The following ATXN1 variants were observed in gnomAD, a reference collection of about 807,000 sequenced individuals.
The protein encoded by ATXN1 is ataxin-1.
ATXN1 carries 8 observed loss-of-function variants against 56.4 expected under a neutral mutation model. The observed-to-expected ratio is 0.14, with a 90% confidence interval of 0.08 to 0.26. ATXN1 has a LOEUF of 0.26. ATXN1 is among the 10% of genes least tolerant of loss of function. The pLI is 1.00. For synonymous variants in ATXN1, 514 were observed against 494.6 expected (o/e 1.04, Z -0.52); for missense variants, 987 against 1,106.5 (o/e 0.89, Z 1.53).
intron 2 of ATXN1, among the ~76,000 whole-genome samples, chr6:16,703,630 T>C (rs1216607320): frequency 6.6e-6 from 1 of 152,204 alleles, no homozygotes; most frequent in Non-Finnish European, 1.5e-5. Context: ...TGGGGGTAAA[T>C]GTTTCCTTTC....
chr6:16,412,650 A>C (rs929541270), intron 6 of ATXN1, among the ~76,000 whole-genome samples: 2 of 152,212 alleles, frequency 1.3e-5, no homozygotes, highest in African/African-American at 4.8e-5. Flanking sequence ...GGAGCTAATT[A>C]AATCTCCTAG....
intron 4 of ATXN1, among the ~76,000 whole-genome samples, chr6:16,524,654 G>C (rs1761356867): frequency 6.6e-6 from 1 of 152,212 alleles, no homozygotes; most frequent in Non-Finnish European, 1.5e-5. Flanking sequence ...ACACAGAAGA[G>C]ACTGAATAAA....
At chr6:16,343,528 C>G (rs73364711) in intron 6 of ATXN1, among the ~76,000 whole-genome samples, 5,883 of 152,146 alleles carry the variant, frequency 0.039, 373 homozygotes, top group African/African-American at 0.13. Context: ...GCCCTTAAAG[C>G]TGTATGCCCT....
intron 5 of ATXN1, among the ~76,000 whole-genome samples, chr6:16,490,884 C>T (rs1760645487): frequency 6.6e-6 from 1 of 152,116 alleles, no homozygotes; most frequent in Non-Finnish European, 1.5e-5. Flanking sequence ...CTACCTGGAA[C>T]TAAGAGGAGC....
At chr6:16,624,699 TA>T (rs754750114) in intron 3 of ATXN1, among the ~76,000 whole-genome samples, 3 of 152,168 alleles carry the variant, frequency 2.0e-5, no homozygotes, top group Non-Finnish European at 2.9e-5. Context: ...GGTGAGAATA[TA>T]AAAAATTGTG....
intron 6 of ATXN1, among the ~76,000 whole-genome samples, chr6:16,341,383 A>AG (rs1761243797): frequency 6.6e-6 from 1 of 151,818 alleles, no homozygotes; most frequent in East Asian, 1.9e-4. Flanking sequence ...GCTTTTAAAA[A>AG]CATAATGTCC....
chr6:16,358,844 G>A (rs1761747669), intron 6 of ATXN1, among the ~76,000 whole-genome samples: 1 of 152,186 alleles, frequency 6.6e-6, no homozygotes, highest in Admixed American at 6.5e-5. Flanking sequence ...GCCTTCCCAG[G>A]TGCAGCTGCA....
chr6:16,584,243 TACACACACACACACACACAC>T (rs368108414), intron 4 of ATXN1, among the ~76,000 whole-genome samples: 2 of 118,494 alleles, frequency 1.7e-5, no homozygotes, highest in Non-Finnish European at 3.4e-5. Context: ...TATATATATA[TACACACACACACACACACAC>T]ACACACACAT....
At position 16,323,884 on chromosome 6, in the gene ATXN1, G is replaced by A. The variant is rs544148952; in HGVS notation, c.1917+2510C>T. On this transcript the variant is annotated intron_variant, in intron 7 of 7. Coordinates refer to ENST00000436367, the MANE Select transcript of ATXN1 (RefSeq NM_001128164.2). ...CAGGAAGTGAACAGCCACTACAGAGGGGTAGTGAGCTGTATTATTATGCCA... is the reference window on the plus strand; with the variant it reads ...CAGGAAGTGAACAGCCACTACAGAGAGGTAGTGAGCTGTATTATTATGCCA... Among the ~76,000 whole-genome samples, 6 of 152,162 alleles carry A rather than the reference G, an allele frequency of 3.9e-5. No individual in the cohort carries two copies. The East Asian group carries it at 5.8e-4, about 15-fold the overall frequency.
At position 16,395,840 on chromosome 6, in the gene ATXN1, A is replaced by AC. The variant is rs200949436; in HGVS notation, c.-160-67371dup. ...AGACCATCCTGGCCAACATGGTGAAACCCATCTCTACTAAAAATACAAAAA... is the reference window on the plus strand; with the variant it reads ...AGACCATCCTGGCCAACATGGTGAAACCCCATCTCTACTAAAAATACAAAAA... On this transcript the variant is annotated intron_variant, in intron 6 of 7. Coordinates refer to ENST00000436367, the MANE Select transcript of ATXN1 (RefSeq NM_001128164.2). 7.8e-3 allele frequency among the ~76,000 whole-genome samples: 1,191 copies of AC among 151,880 alleles called. 26 individuals are homozygous for AC. In the East Asian group the frequency reaches 0.082, roughly 10 times the overall value.
At chr6:16,383,697 C>G (rs916732574) in intron 6 of ATXN1, among the ~76,000 whole-genome samples, 2 of 152,194 alleles carry the variant, frequency 1.3e-5, no homozygotes, top group African/African-American at 4.8e-5. Context: ...AAGACAGCAT[C>G]TTTTCTGCCC....
chr6:16,641,573 C>G (rs1264095606), intron 3 of ATXN1, among the ~76,000 whole-genome samples: 2 of 152,190 alleles, frequency 1.3e-5, no homozygotes, highest in Non-Finnish European at 2.9e-5. Context: ...AGATTCCTTT[C>G]AAAATATTAC....
intron 1 of ATXN1, among the ~76,000 whole-genome samples, chr6:16,758,264 T>C (rs887941783): frequency 5.3e-5 from 8 of 152,226 alleles, no homozygotes; most frequent in African/African-American, 1.9e-4. Flanking sequence ...AGGTTCCAAA[T>C]GATGAACGCT....
At chr6:16,590,026 CA>C (rs371672589) in intron 3 of ATXN1, among the ~76,000 whole-genome samples, 8 of 152,082 alleles carry the variant, frequency 5.3e-5, no homozygotes, top group African/African-American at 1.7e-4. Context: ...TATCGCCATT[CA>C]AGTGCTGTAA....
chr6:16,693,117 G>A (rs1393080585), intron 2 of ATXN1, among the ~76,000 whole-genome samples: 1 of 152,184 alleles, frequency 6.6e-6, no homozygotes, highest in Non-Finnish European at 1.5e-5. Context: ...AGTACCAGAA[G>A]AACTGATATC....
intron 6 of ATXN1, among the ~76,000 whole-genome samples, chr6:16,412,914 T>A (rs1758827890): frequency 6.6e-6 from 1 of 152,172 alleles, no homozygotes; most frequent in African/African-American, 2.4e-5. Flanking sequence ...GGCTGTTGTC[T>A]CTCTTGGGAG....
intron 6 of ATXN1, among the ~76,000 whole-genome samples, chr6:16,395,037 A>C (rs1758423480): frequency 6.6e-6 from 1 of 152,140 alleles, no homozygotes; most frequent in African/African-American, 2.4e-5. Flanking sequence ...AAAACTCCTG[A>C]GGCGAGGCGG....
chr6:16,317,989 C>T (rs987753221), intron 7 of ATXN1, among the ~76,000 whole-genome samples: 2 of 152,198 alleles, frequency 1.3e-5, no homozygotes, highest in African/African-American at 4.8e-5. Context: ...ATTTTAGCTC[C>T]TCTGTATGAA....
intron 2 of ATXN1, among the ~76,000 whole-genome samples, chr6:16,704,497 TA>T (rs1759364128): frequency 6.6e-6 from 1 of 152,174 alleles, no homozygotes; most frequent in African/African-American, 2.4e-5. Context: ...TTTTAAAGTA[TA>T]AAAAACAGAT....
Sources: allele counts gnomAD v4.1 joint callset (sites outside exome capture counted in the v4.1 genomes callset), GRCh38; gene constraint gnomAD v4.1.1; transcripts MANE v1.5; gene names NCBI Gene and HGNC (gene_info 2026-07-23, HGNC 2026-07-21).